LRP1B: variants seen among roughly 807,000 people sequenced by gnomAD.
The protein encoded by LRP1B is LDL receptor related protein 1B.
Under a neutral mutation model 556.6 loss-of-function variants are expected in LRP1B, and 217 were observed. That is an observed-to-expected ratio of 0.39 (90% CI 0.35 to 0.44). LRP1B has a LOEUF of 0.44. Ranked by LOEUF, LRP1B falls within the 20% of genes least tolerant of loss-of-function variation. The pLI is 1.00. For synonymous variants in LRP1B, 2,047 were observed against 1,865.8 expected (o/e 1.10, Z -2.50); for missense variants, 5,053 against 5,620.8 (o/e 0.90, Z 3.23).
At chr2:140,810,692 T>C (rs1461349487) in intron 32 of LRP1B, among the ~76,000 whole-genome samples, 1 of 152,126 alleles carries the variant, frequency 6.6e-6, no homozygotes, top group Non-Finnish European at 1.5e-5. Context: ...CTAGGTGTAT[T>C]TTGGTATGTC....
chr2:141,589,346 A>G (rs990405282), intron 2 of LRP1B, among the ~76,000 whole-genome samples: 25 of 152,186 alleles, frequency 1.6e-4, no homozygotes, highest in Non-Finnish European at 1.6e-4. Context: ...TGTACCAATT[A>G]TAGTATAGCA....
At chr2:141,659,131 C>T (rs935062668) in intron 2 of LRP1B, among the ~76,000 whole-genome samples, 8 of 152,060 alleles carry the variant, frequency 5.3e-5, no homozygotes, top group African/African-American at 1.7e-4. Flanking sequence ...CTCGAACTTC[C>T]GAGCTCAAAC....
At chr2:140,949,986 C>T (rs1462278329) in intron 20 of LRP1B, among the ~76,000 whole-genome samples, 3 of 140,752 alleles carry the variant, frequency 2.1e-5, no homozygotes, top group Non-Finnish European at 4.7e-5. Flanking sequence ...GTAAGTAAAG[C>T]ATTGAGTAAA....
chr2:140,974,434 C>A (rs375541295), intron 18 of LRP1B, among the ~76,000 whole-genome samples: 23 of 152,184 alleles, frequency 1.5e-4, no homozygotes, highest in Non-Finnish European at 2.9e-4. Flanking sequence ...TCTACTAACA[C>A]ATTCTGCAAC....
chr2:140,438,646 G>C (rs575225651), intron 66 of LRP1B, among the ~76,000 whole-genome samples: 1 of 152,262 alleles, frequency 6.6e-6, no homozygotes, highest in African/African-American at 2.4e-5. Flanking sequence ...ACTGTAAAAA[G>C]TTCACGTTCT....
chr2:140,517,369 A>G (rs150284015), intron 49 of LRP1B, among the ~76,000 whole-genome samples: 2 of 152,160 alleles, frequency 1.3e-5, no homozygotes, highest in African/African-American at 4.8e-5. Flanking sequence ...AAGGCCAAAG[A>G]ATAATATTTG....
chr2:140,579,495 G>A (rs1162975759), intron 43 of LRP1B, among the ~76,000 whole-genome samples: 1 of 152,150 alleles, frequency 6.6e-6, no homozygotes, highest in Non-Finnish European at 1.5e-5. Flanking sequence ...CACCCTGAAA[G>A]CTGGAGACAC....
intron 49 of LRP1B, among the ~76,000 whole-genome samples, chr2:140,518,632 C>T (rs10928750): frequency 0.75 from 113,387 of 152,030 alleles, 42,830 homozygotes; most frequent in Middle Eastern, 0.88. Flanking sequence ...GTAGTTCTCC[C>T]TGAAGAGGTC....
intron 41 of LRP1B, among the ~76,000 whole-genome samples, chr2:140,638,330 C>T (rs1400772433): frequency 6.6e-6 from 1 of 152,144 alleles, no homozygotes; most frequent in Non-Finnish European, 1.5e-5. Context: ...TTAATCGTCA[C>T]AAGTACCATA....
At chr2:140,813,258 T>C (rs1690991124) in intron 32 of LRP1B, among the ~76,000 whole-genome samples, 1 of 152,216 alleles carries the variant, frequency 6.6e-6, no homozygotes, top group Non-Finnish European at 1.5e-5. Context: ...CCCTGTTGTC[T>C]TGTCTTTTGA....
intron 2 of LRP1B, among the ~76,000 whole-genome samples, chr2:141,483,918 G>A (rs1172101556): frequency 1.3e-5 from 2 of 150,750 alleles, no homozygotes. Context: ...TAGGTTGCCT[G>A]TTCACTCTGA....
chr2:141,384,929 C>T (rs1287338592), intron 3 of LRP1B, among the ~76,000 whole-genome samples: 2 of 152,124 alleles, frequency 1.3e-5, no homozygotes, highest in Non-Finnish European at 2.9e-5. Flanking sequence ...GCTTGTAAAC[C>T]AATAAATTGG....
intron 43 of LRP1B, among the ~76,000 whole-genome samples, chr2:140,583,279 A>G (rs993832266): frequency 3.4e-5 from 5 of 146,406 alleles, no homozygotes; most frequent in African/African-American, 1.3e-4. Context: ...GGTTCAAGCA[A>G]TTCTCGTGCC....
intron 31 of LRP1B, among the ~76,000 whole-genome samples, chr2:140,826,297 G>A (rs999354508): frequency 1.3e-4 from 20 of 152,142 alleles, no homozygotes; most frequent in African/African-American, 4.8e-4. Context: ...TCTGTATGGA[G>A]TTTGCCTGTT....
At position 140,490,532 on chromosome 2, in the gene LRP1B, G is replaced by T. The variant is rs141113073; in HGVS notation, c.9120+2076C>A. Among the ~76,000 whole-genome samples the T allele has an allele frequency of 4.4e-3, 664 of 152,134 alleles. 5 individuals are homozygous for T. Among genetic ancestry groups the T allele is most frequent in the African/African-American group, 0.016 (646 of 41,530 alleles). Reference sequence around the variant, plus strand: ...GCACATAAAAGTTCCAAATAGTTAAGACAAGGATATTGTCTTTTCATTTAT... The same window carrying T: ...GCACATAAAAGTTCCAAATAGTTAATACAAGGATATTGTCTTTTCATTTAT... On this transcript the variant is annotated intron_variant, in intron 57 of 90. Transcript: ENST00000389484.
At chr2:141,710,489 G>A (rs1375727079) in intron 2 of LRP1B, among the ~76,000 whole-genome samples, 1 of 152,066 alleles carries the variant, frequency 6.6e-6, no homozygotes, top group Non-Finnish European at 1.5e-5. Flanking sequence ...GGGCTTTTGA[G>A]CATGGAAATG....
chr2:140,430,627 A>G (rs1030154260), intron 66 of LRP1B, among the ~76,000 whole-genome samples: 8 of 152,146 alleles, frequency 5.3e-5, no homozygotes, highest in African/African-American at 1.9e-4. Context: ...TCCACCTATC[A>G]ATCTCTTCCC....
intron 32 of LRP1B, among the ~76,000 whole-genome samples, chr2:140,786,389 A>C (rs1259553616): frequency 1.3e-5 from 2 of 152,234 alleles, no homozygotes; most frequent in Admixed American, 6.5e-5. Flanking sequence ...ATTATGTTGG[A>C]GCCATTACAT....
At chr2:141,733,823 G>T (rs1236459862) in intron 2 of LRP1B, among the ~76,000 whole-genome samples, 1 of 152,076 alleles carries the variant, frequency 6.6e-6, no homozygotes, top group Non-Finnish European at 1.5e-5. Flanking sequence ...TGATAGTTCA[G>T]ACTACTATCA....
Sources: gnomAD v4.1 joint callset for allele counts (sites outside exome capture counted in the v4.1 genomes callset) on GRCh38, gnomAD v4.1.1 for gene constraint, MANE v1.5 for transcripts, NCBI Gene and HGNC (gene_info 2026-07-23, HGNC 2026-07-21) for gene names.